Variants in DNER observed in about 807,000 individuals in gnomAD.
The protein encoded by DNER is delta and Notch-like epidermal growth factor-related receptor.
DNER carries 33 observed loss-of-function variants against 78.2 expected under a neutral mutation model. That is an observed-to-expected ratio of 0.42 (90% CI 0.32 to 0.56). The LOEUF (loss-of-function observed/expected upper bound fraction) is 0.56, where lower values mean the gene tolerates loss of function less well. Ranked by LOEUF, DNER falls within the 20% of genes least tolerant of loss-of-function variation. DNER has a pLI of 0.11. For synonymous variants in DNER, 417 were observed against 384.8 expected (o/e 1.08, Z -0.98); for missense variants, 918 against 975.3 (o/e 0.94, Z 0.78).
chr2:229,712,123 T>G (rs1349419071), intron 1 of DNER, among the ~76,000 whole-genome samples: 1 of 152,210 alleles, frequency 6.6e-6, no homozygotes, highest in South Asian at 2.1e-4. Flanking sequence ...CACCAGGGCA[T>G]GCAGTATTGC....
At chr2:229,432,960 G>A (rs940869561) in intron 8 of DNER, among the ~76,000 whole-genome samples, 1 of 152,144 alleles carries the variant, frequency 6.6e-6, no homozygotes, top group Non-Finnish European at 1.5e-5. Context: ...GTTGTTTTGA[G>A]ATGGAGTTTC....
At chr2:229,541,839 C>CATATATAT (rs3085474) in intron 5 of DNER, among the ~76,000 whole-genome samples, 7 of 146,740 alleles carry the variant, frequency 4.8e-5, no homozygotes, top group African/African-American at 1.7e-4. Context: ...TAAAACAAAT[C>CATATATAT]ATATATATAT....
intron 4 of DNER, among the ~76,000 whole-genome samples, chr2:229,552,250 A>G (rs1402200401): frequency 2.0e-5 from 3 of 152,220 alleles, no homozygotes; most frequent in African/African-American, 7.2e-5. Flanking sequence ...AGGGAAATGC[A>G]GACGGTCCTT....
At chr2:229,488,900 T>C (rs931530916) in intron 6 of DNER, among the ~76,000 whole-genome samples, 1 of 152,258 alleles carries the variant, frequency 6.6e-6, no homozygotes, top group African/African-American at 2.4e-5. Flanking sequence ...CTGACATTTG[T>C]TGAGGGCTTA....
At chr2:229,560,706 G>T (rs1187960997) in intron 4 of DNER, among the ~76,000 whole-genome samples, 2 of 152,156 alleles carry the variant, frequency 1.3e-5, no homozygotes, top group Non-Finnish European at 2.9e-5. Context: ...TCTTGACAAT[G>T]TCGGGCCAGG....
Position 229,366,802 on chromosome 2 carries a change from G to T in DNER, c.2102+71C>A. 4 of 1,593,526 alleles carry T rather than the reference G, an allele frequency of 2.5e-6. No individual in the cohort carries two copies. In the South Asian group the frequency reaches 4.6e-5, roughly 18 times the overall value. ...CCTCTTTGCAAATGGAAAGTCCTGT[G>T]TATAATATGACCCTGTTCCCAAGAA... On this transcript the variant is annotated intron_variant, in intron 12 of 12. Transcript: ENST00000341772.
Position 229,714,163 on chromosome 2 carries a change from G to A in DNER, c.261C>T (p.Ser87=), listed in dbSNP as rs886601227. ...GYSCTCPAGI[S]GANCQLVADP... is the part of the protein sequence containing the mutation. ...TTCCACTCACCTGGCAGTTGGCGCC[G>A]GAGATCCCGGCGGGGCAGGTGCAGC... The change falls in exon 1 of 13, where the codon TCC becomes TCT. Residue 87 remains serine (S), a synonymous_variant. Coordinates refer to ENST00000341772, the MANE Select transcript of DNER (RefSeq NM_139072.4). The A allele has an allele frequency of 8.3e-6, 11 of 1,325,174 alleles. No homozygotes were observed. The African/African-American group carries it at 9.2e-5, about 11-fold the overall frequency. 82.1% of individuals were successfully genotyped at this position (1,325,174 alleles called of 1,614,324 possible).
intron 11 of DNER, among the ~76,000 whole-genome samples, chr2:229,375,062 A>G (rs1317810106): frequency 6.6e-6 from 1 of 152,200 alleles, no homozygotes; most frequent in Non-Finnish European, 1.5e-5. Context: ...AATCACATCA[A>G]TAACAACTAC....
chr2:229,469,806 G>T (rs1261632848), intron 7 of DNER, among the ~76,000 whole-genome samples: 1 of 152,160 alleles, frequency 6.6e-6, no homozygotes, highest in South Asian at 2.1e-4. Context: ...AGCTGGGCAT[G>T]GTGGTGGGTG....
intron 5 of DNER, among the ~76,000 whole-genome samples, chr2:229,535,828 G>C (rs1696392910): frequency 6.6e-6 from 1 of 151,542 alleles, no homozygotes; most frequent in South Asian, 2.1e-4. Flanking sequence ...ATTTTTAGTT[G>C]AGACGGGGTT....
intron 1 of DNER, among the ~76,000 whole-genome samples, chr2:229,609,251 T>C (rs562532416): frequency 1.3e-5 from 2 of 152,258 alleles, no homozygotes; most frequent in South Asian, 2.1e-4. Flanking sequence ...AATGTGATCT[T>C]CATCATTCAA....
rs1435370332 is a variant in DNER at position 229,403,660 on chromosome 2, A to C, written c.1723+3572T>G. On this transcript the variant is annotated intron_variant, in intron 10 of 12. Transcript: ENST00000341772. Reference sequence around the variant, plus strand: ...AGTGATGTTTAAACCTACTTCAGTGAGTCCCACTGCGCCCTGAGATCAGGG... The same window carrying C: ...AGTGATGTTTAAACCTACTTCAGTGCGTCCCACTGCGCCCTGAGATCAGGG... 3.9e-5 allele frequency among the ~76,000 whole-genome samples: 6 copies of C among 152,258 alleles called. No homozygotes were observed. In the East Asian group the frequency reaches 1.2e-3, roughly 29 times the overall value.
intron 1 of DNER, among the ~76,000 whole-genome samples, chr2:229,618,717 G>A (rs1269162398): frequency 6.6e-6 from 1 of 152,174 alleles, no homozygotes; most frequent in East Asian, 1.9e-4. Context: ...TAAATTGGCT[G>A]AATTTAATAA....
In DNER at chr2:229,399,662, A is replaced by C. The variant is rs929301053; in HGVS notation, c.1723+7570T>G. 5.3e-5 allele frequency among the ~76,000 whole-genome samples: 8 copies of C among 152,192 alleles called. No individual in the cohort carries two copies. The East Asian group carries it at 1.3e-3, about 26-fold the overall frequency. On this transcript the variant is annotated intron_variant, in intron 10 of 12. Coordinates refer to ENST00000341772, the MANE Select transcript of DNER (RefSeq NM_139072.4). The stretch of plus-strand genomic sequence containing the variant: ...TATGAAACTACAGTTGTTATGACAT[A>C]ATAAAGGTAGAGGAATAGACACATA...
At chr2:229,429,163 A>G (rs1693950347) in intron 8 of DNER, among the ~76,000 whole-genome samples, 1 of 152,310 alleles carries the variant, frequency 6.6e-6, no homozygotes, top group South Asian at 2.1e-4. Flanking sequence ...TTTGAGAGAC[A>G]ATGGGACACA....
At chr2:229,543,437 C>T (rs1404366854) in intron 5 of DNER, among the ~76,000 whole-genome samples, 1 of 152,186 alleles carries the variant, frequency 6.6e-6, no homozygotes, top group Non-Finnish European at 1.5e-5. Flanking sequence ...ACATGACGAC[C>T]GCCTTACGGA....
chr2:229,677,046 C>T (rs957377616), intron 1 of DNER, among the ~76,000 whole-genome samples: 9 of 152,186 alleles, frequency 5.9e-5, no homozygotes, highest in African/African-American at 1.9e-4. Flanking sequence ...TTCCATGCCT[C>T]GTGACACTGG....
intron 6 of DNER, among the ~76,000 whole-genome samples, chr2:229,480,771 A>G (rs1695140537): frequency 6.6e-6 from 1 of 152,256 alleles, no homozygotes; most frequent in Admixed American, 6.5e-5. Flanking sequence ...AATGAGAAAC[A>G]GTGGTCCATA....
chr2:229,632,008 A>G (rs188768510), intron 1 of DNER, among the ~76,000 whole-genome samples: 41 of 152,334 alleles, frequency 2.7e-4, no homozygotes, highest in Middle Eastern at 3.4e-3. Flanking sequence ...TATTTTTCCT[A>G]ACCCAATAAA....
Sources: allele counts gnomAD v4.1 joint callset (sites outside exome capture counted in the v4.1 genomes callset), GRCh38; gene constraint gnomAD v4.1.1; transcripts MANE v1.5; gene names NCBI Gene and HGNC (gene_info 2026-07-23, HGNC 2026-07-21).